The following NKX3-2 variants were observed in gnomAD, a reference collection of about 807,000 sequenced individuals.
NKX3-2 encodes homeobox protein Nkx-3.2.
NKX3-2 carries 13 observed loss-of-function variants against 19.4 expected under a neutral mutation model. The ratio of observed to expected loss-of-function variants is 0.67; its 90% confidence interval spans 0.44 to 1.07. The LOEUF (loss-of-function observed/expected upper bound fraction) is 1.07. Ranked by LOEUF, NKX3-2 falls within the 50% of genes least tolerant of loss-of-function variation. The probability of loss-of-function intolerance (pLI) is 0.00; values close to 1 mark genes in which losing one functional copy is unlikely to be tolerated. For missense variants in NKX3-2, 562 were observed against 488.2 expected (o/e 1.15, Z -1.42); for synonymous variants, 269 against 230.5 (o/e 1.17, Z -1.51).
upstream of NKX3-2, among the ~76,000 whole-genome samples, chr4:13,545,470 C>T (rs964856029): frequency 1.3e-5 from 2 of 152,088 alleles, no homozygotes; most frequent in African/African-American, 4.8e-5. Context: ...TTTCTCCCTA[C>T]AGTTTCGCCG....
chr4:13,546,252 A>T (rs1718129743), upstream of NKX3-2: 1 of 152,608 alleles, frequency 6.6e-6, no homozygotes, highest in African/African-American at 2.4e-5. Context: ...GTTTTGCAGC[A>T]TCTATACTTT....
upstream of NKX3-2, among the ~76,000 whole-genome samples, chr4:13,545,564 G>C (rs1172683845): frequency 7.4e-6 from 1 of 135,872 alleles, no homozygotes; most frequent in African/African-American, 2.8e-5. Context: ...CGTCGTCTTT[G>C]ATTTGATTCG....
Position 13,541,642 on chromosome 4 carries a change from T to C in NKX3-2, c.*351A>G. On this transcript the variant is annotated 3_prime_UTR_variant, in exon 2 of 2. Transcript: ENST00000382438. ...TTCTGAGGATTCAGGCTATGTGGTCTCCAGGAGTTGCCGCTCAGGGAAAAC... is the reference window on the plus strand; with the variant it reads ...TTCTGAGGATTCAGGCTATGTGGTCCCCAGGAGTTGCCGCTCAGGGAAAAC... 3.7e-6 allele frequency: 1 copy of C among 269,588 alleles called. No homozygotes were observed. The highest frequency in any genetic ancestry group is 2.2e-5 in the African/African-American group (1 of 45,464). 16.7% of individuals were successfully genotyped at this position (269,588 alleles called of 1,614,324 possible).
Position 13,543,909 on chromosome 4 carries a change from C to T in NKX3-2, c.466+40G>A, listed in dbSNP as rs1157664420. ...GGCGTGGTTGCCCTCCGCGTCCATC[C>T]CCTCAGCCCGGCCCCCATCCCCGCG... On this transcript the variant is annotated intron_variant, in intron 1 of 1. Coordinates refer to ENST00000382438, the MANE Select transcript of NKX3-2 (RefSeq NM_001189.4). This position sits in a 1 kb window ranked among gnomAD's most constrained non-coding sequence, Gnocchi z 7.1. The T allele has an allele frequency of 6.8e-7, 1 of 1,478,002 alleles. No homozygotes were observed. Among genetic ancestry groups the T allele is most frequent in the Non-Finnish European group, 9.0e-7 (1 of 1,112,356 alleles). The allele number at this position is 1,478,002 out of a possible 1,614,324, so 91.6% of individuals were successfully genotyped here.
upstream of NKX3-2, chr4:13,544,731 C>A: frequency 5.3e-6 from 1 of 188,476 alleles, no homozygotes; most frequent in Non-Finnish European, 1.1e-5. Context: ...TCTGCCCCCT[C>A]GGGGGACGTG....
Position 13,542,674 on chromosome 4 carries a change from G to T in NKX3-2, c.467-146C>A. 9.3e-7 allele frequency: 1 copy of T among 1,075,188 alleles called. No homozygotes were observed. The highest frequency in any genetic ancestry group is 1.4e-6 in the Non-Finnish European group (1 of 726,618). The allele number at this position is 1,075,188 out of a possible 1,614,324, so 66.6% of individuals were successfully genotyped here. A position where few individuals can be genotyped will look rare whatever the true frequency, so the allele number is the denominator to read the frequency against. On this transcript the variant is annotated intron_variant, in intron 1 of 1. Coordinates refer to ENST00000382438, the MANE Select transcript of NKX3-2 (RefSeq NM_001189.4). The surrounding 1 kb of genome is among the most constrained non-coding windows in gnomAD (Gnocchi z 6.4). ...GGAGCGGAGGTCTGGGAGGCCCTGG[G>T]CCCGGGAGACCAGTCTTAGACTCTT...
chr4:13,546,909 G>C (rs1350650318), upstream of NKX3-2: 3 of 456,166 alleles, frequency 6.6e-6, no homozygotes, highest in Non-Finnish European at 4.4e-6. Flanking sequence ...TTGAGTTGTC[G>C]GGTATTTTTG....
chr4:13,541,321 G>T lies in NKX3-2; in HGVS notation c.*672C>A, dbSNP rs1396664664. The T allele has an allele frequency of 6.6e-6, 1 of 152,154 alleles. No individual in the cohort carries two copies. The highest frequency in any genetic ancestry group is 1.5e-5 in the Non-Finnish European group (1 of 68,046). 9.4% of individuals were successfully genotyped at this position (152,154 alleles called of 1,614,324 possible). On this transcript the variant is annotated 3_prime_UTR_variant, in exon 2 of 2. Transcript: ENST00000382438. ...GGACTTCAGAGAAGGAAGATGTGGA[G>T]ACCCCCGGCTTGCACCACACTTGGA...
chr4:13,546,822 A>G (rs766002289), upstream of NKX3-2: 35 of 414,208 alleles, frequency 8.4e-5, no homozygotes, highest in Non-Finnish European at 6.4e-5. Flanking sequence ...AAAGAATCCC[A>G]AATCACAGTT....
chr4:13,543,976 C>T lies in NKX3-2; in HGVS notation c.439G>A (p.Asp147Asn), dbSNP rs370578004. ...DLEEEAAGRS[D>N]SEMSASVSGD... is the part of the protein sequence containing the mutation. ...GAGACGCTGGCGGACATCTCGCTGT[C>T]GCTCCGGCCCGCGGCTTCCTCCTCT... The change falls in exon 1 of 2, where the codon GAC becomes AAC. Residue 147 changes from aspartate to asparagine, a missense_variant. By Grantham distance (23) the Asp-to-Asn change is conservative. Coordinates refer to ENST00000382438, the MANE Select transcript of NKX3-2 (RefSeq NM_001189.4). This position sits in a 1 kb window ranked among gnomAD's most constrained non-coding sequence, Gnocchi z 7.1. 6.4e-7 allele frequency: 1 copy of T among 1,555,292 alleles called. No individual in the cohort carries two copies.
Position 13,544,291 on chromosome 4 carries a change from A to C in NKX3-2, c.124T>G (p.Ser42Ala). 1 of 1,542,166 alleles carries C rather than the reference A, an allele frequency of 6.5e-7. No homozygotes were observed. The highest frequency in any genetic ancestry group is 8.7e-7 in the Non-Finnish European group (1 of 1,151,772). ...GRPAPGGTAA[S>A]VAAAPAVCCW... ...CAGACAGCGGGAGCCGCGGCCACCG[A>C]TGCCGCTGTGCCCCCGGGCGCCGGG... The change falls in exon 1 of 2, where the codon TCG becomes GCG. Residue 42 changes from serine (S) to alanine (A), a missense_variant. By Grantham distance (99) the Ser-to-Ala change is moderately conservative (BLOSUM62 1). Transcript: ENST00000382438.
Position 13,542,475 on chromosome 4 carries a change from C to G in NKX3-2, c.520G>C (p.Val174Leu), listed in dbSNP as rs559539989. The G allele has an allele frequency of 2.1e-4, 335 of 1,596,318 alleles. 2 individuals carry two copies. In the African/African-American group the frequency reaches 3.8e-3, roughly 18 times the overall value. The change falls in exon 2 of 2, where the codon GTG becomes CTG. Residue 174 changes from valine to leucine, a missense_variant. By Grantham distance (32) the Val-to-Leu change is conservative. Coordinates refer to ENST00000382438, the MANE Select transcript of NKX3-2 (RefSeq NM_001189.4). The surrounding 1 kb of genome is among the most constrained non-coding windows in gnomAD (Gnocchi z 6.4). ...DDGVGPRGAH[V>L]SALCSGAGGG... Reference sequence around the variant, plus strand: ...CCGGCCCCGCTGCACAGCGCGGACACGTGTGCACCTCTGGGGCCAACACCG... The same window carrying G: ...CCGGCCCCGCTGCACAGCGCGGACAGGTGTGCACCTCTGGGGCCAACACCG...
chr4:13,542,450 C>T lies in NKX3-2; in HGVS notation c.545G>A (p.Gly182Asp), dbSNP rs1718014131. ...TGCCGGCCCGCTGCCGCCCCCGCCG[C>T]CGGCCCCGCTGCACAGCGCGGACAC... ...AHVSALCSGA[G>D]GGGGSGPAGV... is the part of the protein sequence containing the mutation. Residue 182 changes from glycine to aspartate, a missense_variant, in exon 2 of 2, where the codon GGC (glycine) becomes GAC (aspartate). By Grantham distance (94) the Gly-to-Asp change is moderately conservative. Transcript: ENST00000382438. The surrounding 1 kb of genome is among the most constrained non-coding windows in gnomAD (Gnocchi z 6.4). 1 of 1,576,474 alleles carries T rather than the reference C, an allele frequency of 6.3e-7. No homozygotes were observed. Among genetic ancestry groups the T allele is most frequent in the Non-Finnish European group, 8.6e-7 (1 of 1,169,306 alleles).
rs1199062769 is a variant in NKX3-2 at position 13,542,137 on chromosome 4, C to T, written c.858G>A (p.Val286=). Residue 286 remains valine (V), a synonymous_variant, in exon 2 of 2, where the codon GTG becomes GTA. Transcript: ENST00000382438. The surrounding 1 kb of genome is among the most constrained non-coding windows in gnomAD (Gnocchi z 6.4). ...AAKKVAVKVL[V]RDDQRQYLPG... ...GCAGGTATTGTCTCTGGTCGTCGCG[C>T]ACCAGCACCTTTACGGCCACCTTCT... The T allele has an allele frequency of 6.2e-7, 1 of 1,612,318 alleles. No homozygotes were observed.
At position 13,544,292 on chromosome 4, in the gene NKX3-2, T is replaced by A; in HGVS notation, c.123A>T (p.Ala41=). Residue 41 remains alanine, a synonymous_variant, in exon 1 of 2, where the codon GCA becomes GCT. Coordinates refer to ENST00000382438, the MANE Select transcript of NKX3-2 (RefSeq NM_001189.4). ...EGRPAPGGTA[A]SVAAAPAVCC... is the part of the protein sequence containing the mutation. ...AGACAGCGGGAGCCGCGGCCACCGA[T>A]GCCGCTGTGCCCCCGGGCGCCGGGC... 1.3e-6 allele frequency: 2 copies of A among 1,540,032 alleles called. No individual in the cohort carries two copies. The highest frequency in any genetic ancestry group is 1.7e-6 in the Non-Finnish European group (2 of 1,150,874).
upstream of NKX3-2, among the ~76,000 whole-genome samples, chr4:13,545,301 A>C (rs1718107518): frequency 6.6e-6 from 1 of 152,228 alleles, no homozygotes; most frequent in Non-Finnish European, 1.5e-5. Flanking sequence ...TTACCTCTGC[A>C]GATGTATCCA....
In NKX3-2 at chr4:13,543,883, C is replaced by G; in HGVS notation, c.466+66G>C. The G allele has an allele frequency of 7.2e-7, 1 of 1,380,972 alleles. No homozygotes were observed. The highest frequency in any genetic ancestry group is 1.5e-5 in the South Asian group (1 of 67,976). 85.5% of individuals were successfully genotyped at this position (1,380,972 alleles called of 1,614,324 possible). ...GGGTGCTCAAGCCGACCACCCCACT[C>G]GGCGTGGTTGCCCTCCGCGTCCATC... On this transcript the variant is annotated intron_variant, in intron 1 of 1. Coordinates refer to ENST00000382438, the MANE Select transcript of NKX3-2 (RefSeq NM_001189.4). This position sits in a 1 kb window ranked among gnomAD's most constrained non-coding sequence, Gnocchi z 7.1.
At position 13,542,678 on chromosome 4, in the gene NKX3-2, G is replaced by C. The variant is rs1451839667; in HGVS notation, c.467-150C>G. ...CGGAGGTCTGGGAGGCCCTGGGCCC[G>C]GGAGACCAGTCTTAGACTCTTGCCC... On this transcript the variant is annotated intron_variant, in intron 1 of 1. Transcript: ENST00000382438. This position sits in a 1 kb window ranked among gnomAD's most constrained non-coding sequence, Gnocchi z 6.4. 2.9e-6 allele frequency: 3 copies of C among 1,035,170 alleles called. No individual in the cohort carries two copies. Among genetic ancestry groups the C allele is most frequent in the Non-Finnish European group, 4.3e-6 (3 of 691,896 alleles). The allele number at this position is 1,035,170 out of a possible 1,614,324, so 64.1% of individuals were successfully genotyped here. A position where few individuals can be genotyped will look rare whatever the true frequency, so the allele number is the denominator to read the frequency against.
rs901402069 is a variant in NKX3-2 at position 13,543,991 on chromosome 4, C to T, written c.424G>A (p.Ala142Thr). 2 of 1,567,920 alleles carry T rather than the reference C, an allele frequency of 1.3e-6. No homozygotes were observed. Among genetic ancestry groups the T allele is most frequent in the Non-Finnish European group, 1.7e-6 (2 of 1,159,766 alleles). ...ATCTCGCTGTCGCTCCGGCCCGCGG[C>T]TTCCTCCTCTAGGTCTTTGGAAGCG... Reference protein sequence around the residue: ...LAASKDLEEEAAGRSDSEMSA... With the variant: ...LAASKDLEEETAGRSDSEMSA... Residue 142 changes from alanine (A) to threonine (T), a missense_variant, in exon 1 of 2, where the codon GCC (alanine) becomes ACC (threonine). Transcript: ENST00000382438. This position sits in a 1 kb window ranked among gnomAD's most constrained non-coding sequence, Gnocchi z 7.1.
Sources: allele counts gnomAD v4.1 joint callset (sites outside exome capture counted in the v4.1 genomes callset), GRCh38; gene constraint gnomAD v4.1.1; non-coding constraint Gnocchi (gnomAD v3.1); transcripts MANE v1.5; gene names NCBI Gene and HGNC (gene_info 2026-07-23, HGNC 2026-07-21).